Variants in CD40LG observed in about 807,000 individuals in gnomAD.
The protein encoded by CD40LG is CD40 antigen ligand.
A neutral mutation model predicts 17.2 loss-of-function variants in CD40LG; 1 was observed. The ratio of observed to expected loss-of-function variants is 0.06; its 90% CI spans 0.02 to 0.28. The LOEUF is 0.28. Among genes scored for constraint, CD40LG ranks in the 10% least tolerant of loss-of-function variants. The pLI, the probability that CD40LG is intolerant of heterozygous loss-of-function variation, is 1.00. For missense variants in CD40LG, 133 were observed against 193.2 expected, an observed-to-expected ratio of 0.69 and a Z score of 1.85; for synonymous variants, 66 against 74.4, an observed-to-expected ratio of 0.89 and a Z score of 0.58.
At chrX:136,648,987 T>C (rs1317129053) in intron 1 of CD40LG, among the ~76,000 whole-genome samples, 1 of 112,346 alleles carries the variant, frequency 8.9e-6, no homozygotes, top group Admixed American at 9.4e-5. Context: ...CAAGCACTGA[T>C]TGTAGTTGCA....
rs764940891 is a variant in CD40LG, at chrX:136,653,909, G to A, written c.289-464G>A. ...TCATAGTCTGGCATTTCTCCCCAAG[G>A]TCAAACTTACTATTATCTTTTCCTA... On this transcript the variant is annotated intron_variant, in intron 2 of 4. Transcript: ENST00000370629. Among the ~76,000 whole-genome samples, 8 of 111,968 alleles carry A rather than the reference G, an allele frequency of 7.1e-5. No homozygotes were observed. The South Asian group carries it at 1.1e-3, about 16-fold the overall frequency.
In CD40LG at chrX:136,648,279, C is replaced by T. The variant is rs193922135; in HGVS notation, c.31C>T (p.Arg11Ter). ...CGAAACATACAACCAAACTTCTCCC[C>T]GATCTGCGGCCACTGGACTGCCCAT... is the stretch of plus-strand genomic sequence containing the variant. The part of the protein sequence containing the change: MIETYNQTSP[R>*]SAATGLPISM... Residue 11 changes from arginine (R) to a stop codon, truncating the protein, a stop_gained, in exon 1 of 5, where the codon CGA becomes TGA. Transcript: ENST00000370629. LOFTEE classifies it high-confidence loss of function. 8.3e-7 allele frequency: 1 copy of T among 1,203,161 alleles called. No individual in the cohort carries two copies. The highest frequency in any genetic ancestry group is 1.1e-6 in the Non-Finnish European group (1 of 887,853).
Position 136,648,342 on chromosome X carries a change from C to G in CD40LG, c.94C>G (p.Leu32Val). Residue 32 changes from leucine to valine, a missense_variant, in exon 1 of 5, where the codon CTT becomes GTT. Physicochemically the swap from Leu to Val is conservative, Grantham distance 32. Transcript: ENST00000370629. ...KIFMYLLTVF[L>V]ITQMIGSALF... ...TTTTATGTATTTACTTACTGTTTTT[C>G]TTATCACCCAGATGATTGGGTCAGC... The G allele has an allele frequency of 8.3e-7, 1 of 1,208,813 alleles. No individual in the cohort carries two copies. The highest frequency in any genetic ancestry group is 1.7e-5 in the African/African-American group (1 of 57,757).
chrX:136,648,870 G>A (rs768769623), intron 1 of CD40LG, among the ~76,000 whole-genome samples: 22 of 112,248 alleles, frequency 2.0e-4, no homozygotes, highest in Non-Finnish European at 3.9e-4. Flanking sequence ...CAAGAAGAGC[G>A]TCAATTTGAT....
intron 2 of CD40LG, among the ~76,000 whole-genome samples, chrX:136,653,198 C>T (rs779130603): frequency 1.4e-4 from 16 of 112,367 alleles, no homozygotes; most frequent in South Asian, 3.7e-4. Context: ...CTTCATAGTG[C>T]CGCGCTTCAG....
chrX:136,650,490 G>GCA, intron 2 of CD40LG, 93 bp downstream of exon 2: 1 of 807,141 alleles, frequency 1.2e-6, no homozygotes, highest in Non-Finnish European at 1.9e-6. Flanking sequence ...TTAAAGATTG[G>GCA]TTATAGACAC....
intron 3 of CD40LG, 118 bp from the exon 4 acceptor site, chrX:136,656,238 T>C (rs774527080): frequency 1.7e-6 from 1 of 583,796 alleles, no homozygotes; most frequent in Admixed American, 2.4e-5. Context: ...ATTTTATCTT[T>C]CCTTTTATAT....
intron 1 of CD40LG, 73 bp downstream of exon 1, chrX:136,648,477 T>C (rs2076095389): frequency 1.1e-6 from 1 of 898,469 alleles, no homozygotes; most frequent in Non-Finnish European, 1.6e-6. Context: ...TCTACCCAAA[T>C]GATGGATGAT....
intron 1 of CD40LG, among the ~76,000 whole-genome samples, chrX:136,648,807 A>C (rs1191492947): frequency 8.9e-6 from 1 of 112,623 alleles, no homozygotes; most frequent in East Asian, 2.8e-4. Context: ...CTGCTTTAAA[A>C]GTAAGCTATT....
chrX:136,650,966 G>A (rs1000546748), intron 2 of CD40LG, among the ~76,000 whole-genome samples: 1 of 110,837 alleles, frequency 9.0e-6, no homozygotes, highest in African/African-American at 3.3e-5. Context: ...GCTCAAACCA[G>A]ACTCCATATA....
At chrX:136,650,224 C>T in intron 1 of CD40LG, 42 bp from the exon 2 acceptor site, 2 of 1,067,272 alleles carry the variant, frequency 1.9e-6, no homozygotes, top group Non-Finnish European at 2.6e-6. Context: ...CTGTATTCTC[C>T]TTCCGAATGA....
In CD40LG at chrX:136,648,179, T is replaced by C. The variant is rs1164479889; in HGVS notation, c.-70T>C. On this transcript the variant is annotated 5_prime_UTR_variant, in exon 1 of 5. Coordinates refer to ENST00000370629, the MANE Select transcript of CD40LG (RefSeq NM_000074.3). ...AACTAATCCTGAGTAAGGTGGCCAC[T>C]TTGACAGTCTTCTCATGCTGCCTCT... The C allele has an allele frequency of 3.0e-5, 25 of 839,923 alleles. No individual in the cohort carries two copies. Among genetic ancestry groups the C allele is most frequent in the African/African-American group, 6.0e-5 (3 of 49,633 alleles). 69.2% of individuals were successfully genotyped at this position (839,923 alleles called of 1,213,427 possible). A position where few individuals can be genotyped will look rare whatever the true frequency, so the allele number is the denominator to read the frequency against.
chrX:136,655,680 A>T (rs1208102306), intron 3 of CD40LG, among the ~76,000 whole-genome samples: 1 of 112,508 alleles, frequency 8.9e-6, no homozygotes, highest in African/African-American at 3.2e-5. Flanking sequence ...GAGTAATAGT[A>T]CCACGCTGTC....
Position 136,660,105 on chromosome X carries a change from A to AACACACACACACACACACAC in CD40LG, c.*724_*743dup, listed in dbSNP as rs56074249. 2.6e-5 allele frequency: 1 copy of AACACACACACACACACACAC among 37,987 alleles called. No homozygotes were observed. Among genetic ancestry groups the AACACACACACACACACACAC allele is most frequent in the African/African-American group, 9.0e-5 (1 of 11,077 alleles). 3.1% of individuals were successfully genotyped at this position (37,987 alleles called of 1,213,427 possible). On this transcript the variant is annotated 3_prime_UTR_variant, in exon 5 of 5. Coordinates refer to ENST00000370629, the MANE Select transcript of CD40LG (RefSeq NM_000074.3). ...GTCTCTCTTCTCAATCCCCCTTTCT[A>AACACACACACACACACACAC]ACACACACACACACACACACACACA... is the stretch of plus-strand genomic sequence containing the variant.
At chrX:136,650,137 T>TATTA (rs1028320134) in intron 1 of CD40LG, 129 bp from the exon 2 acceptor site, 5 of 502,596 alleles carry the variant, frequency 9.9e-6, no homozygotes, top group African/African-American at 9.5e-5. Context: ...TATAATAACT[T>TATTA]ATTATTCTCC....
Position 136,654,378 on chromosome X carries a change from A to G in CD40LG, c.294A>G (p.Ile98Met), listed in dbSNP as rs2076113123. 7 of 1,191,100 alleles carry G rather than the reference A, an allele frequency of 5.9e-6. No individual in the cohort carries two copies. Among genetic ancestry groups the G allele is most frequent in the Non-Finnish European group, 8.0e-6 (7 of 876,561 alleles). The change falls in exon 3 of 5, where the codon ATA becomes ATG. Residue 98 changes from isoleucine (I) to methionine (M), a missense_variant. Coordinates refer to ENST00000370629, the MANE Select transcript of CD40LG (RefSeq NM_000074.3). The part of the protein sequence containing the change: ...KSQFEGFVKD[I>M]MLNKEETKKE... ...TGCAATGCTTCTTATTTTAGGATAT[A>G]ATGTTAAACAAAGAGGAGACGAAGA... is the stretch of plus-strand genomic sequence containing the variant.
At chrX:136,653,966 T>C (rs982999781) in intron 2 of CD40LG, among the ~76,000 whole-genome samples, 13 of 112,128 alleles carry the variant, frequency 1.2e-4, no homozygotes, top group African/African-American at 4.2e-4. Context: ...TTCTAATAGA[T>C]ACACACCATG....
chrX:136,650,167 C>T (rs1486502767), intron 1 of CD40LG, 99 bp from the exon 2 acceptor site: 1 of 593,368 alleles, frequency 1.7e-6, no homozygotes. Context: ...TGAAAGTCCT[C>T]CTCTTGTTGA....
At chrX:136,650,714 C>T (rs2076101696) in intron 2 of CD40LG, among the ~76,000 whole-genome samples, 1 of 111,386 alleles carries the variant, frequency 9.0e-6, no homozygotes, top group Admixed American at 9.5e-5. Flanking sequence ...ATTGCTGTGT[C>T]TCCCCATCCA....
Sources: gnomAD v4.1 joint callset for allele counts (sites outside exome capture counted in the v4.1 genomes callset) on GRCh38, gnomAD v4.1.1 for gene constraint, MANE v1.5 for transcripts, NCBI Gene and HGNC (gene_info 2026-07-23, HGNC 2026-07-21) for gene names.